The following SPATA9 variants were observed in gnomAD, a reference collection of about 807,000 sequenced individuals.
SPATA9 encodes the protein spermatogenesis associated 9.
In SPATA9, 27 loss-of-function variants were observed where a neutral mutation model predicts 25.5. That is an observed-to-expected ratio of 1.06 (90% CI 0.78 to 1.46). SPATA9 has a LOEUF of 1.46. Ranked by LOEUF, SPATA9 falls within the 40% of genes most tolerant of loss-of-function variation. The pLI, the probability that SPATA9 is intolerant of heterozygous loss-of-function variation, is 0.00. For missense variants in SPATA9, 282 were observed against 297.5 expected (o/e 0.95, Z 0.38); for synonymous variants, 102 against 105.7 (o/e 0.97, Z 0.21).
intron 2 of SPATA9, among the ~76,000 whole-genome samples, chr5:95,677,030 TCC>T (rs1440969761): frequency 6.6e-6 from 1 of 152,208 alleles, no homozygotes; most frequent in Non-Finnish European, 1.5e-5. Flanking sequence ...CAAAGTTCAC[TCC>T]CTCACTTCCT....
intron 3 of SPATA9, chr5:95,674,849 T>G (rs1561407155): frequency 2.9e-5 from 13 of 454,638 alleles, no homozygotes; most frequent in South Asian, 2.0e-4. Context: ...TGCAAAATTC[T>G]GAATCTTTTG....
At chr5:95,652,980 G>C, downstream of SPATA9, 2 of 1,204,638 alleles carry the variant, frequency 1.7e-6, no homozygotes, top group South Asian at 3.3e-5. Flanking sequence ...TTTGCTCTTA[G>C]AGTAAAATCC....
intron 1 of SPATA9, among the ~76,000 whole-genome samples, chr5:95,691,984 T>C (rs1336148892): frequency 2.0e-5 from 3 of 152,178 alleles, no homozygotes; most frequent in Non-Finnish European, 2.9e-5. Flanking sequence ...CATAGCAAAG[T>C]ATGTATTGGC....
chr5:95,708,640 G>A, the SPATA9 span: 3,084 of 696,738 alleles, frequency 4.4e-3, 53 homozygotes, highest in African/African-American at 0.045. Context: ...TGTACCTTTG[G>A]AGCTTCCACA....
chr5:95,711,756 A>T, the SPATA9 span, among the ~76,000 whole-genome samples: 1 of 152,360 alleles, frequency 6.6e-6, no homozygotes. Context: ...CTGGCTCAGG[A>T]GGACTTTGGA....
chr5:95,690,156 C>A (rs867516736), intron 1 of SPATA9, among the ~76,000 whole-genome samples: 55 of 151,716 alleles, frequency 3.6e-4, no homozygotes, highest in African/African-American at 1.2e-3. Context: ...ATATAGCAAA[C>A]CTACACATGA....
the SPATA9 span, among the ~76,000 whole-genome samples, chr5:95,709,797 G>GT: frequency 3.9e-5 from 6 of 152,294 alleles, no homozygotes; most frequent in Non-Finnish European, 8.8e-5. Context: ...CTTCTGGCAA[G>GT]TTTTTTCGGA....
chr5:95,664,108 T>C lies in SPATA9; in HGVS notation c.379-60A>G, dbSNP rs528747403. On this transcript the variant is annotated intron_variant, in intron 3 of 4. Transcript: ENST00000274432. Reference sequence around the variant, plus strand: ...ACATTTTCAGTGTTTCAATGTCATATTGTACAATGTTACTGTAAAATGAGA... The same window carrying C: ...ACATTTTCAGTGTTTCAATGTCATACTGTACAATGTTACTGTAAAATGAGA... 3.2e-6 allele frequency: 3 copies of C among 932,326 alleles called. No homozygotes were observed. In the South Asian group the frequency reaches 5.8e-5, roughly 18 times the overall value. The allele number at this position is 932,326 out of a possible 1,614,324, so 57.8% of individuals were successfully genotyped here. A position where few individuals can be genotyped will look rare whatever the true frequency, so the allele number is the denominator to read the frequency against.
intron 3 of SPATA9, among the ~76,000 whole-genome samples, chr5:95,667,332 TGG>T (rs1751917682): frequency 5.5e-5 from 1 of 18,274 alleles, no homozygotes; most frequent in Non-Finnish European, 1.1e-4. Flanking sequence ...GTGGGGGTGC[TGG>T]GGGTTGGGGA....
At chr5:95,669,460 CT>C (rs1350437571) in intron 3 of SPATA9, among the ~76,000 whole-genome samples, 1 of 152,082 alleles carries the variant, frequency 6.6e-6, no homozygotes, top group Non-Finnish European at 1.5e-5. Context: ...GATCCTTATC[CT>C]GAAAAAAGAA....
chr5:95,694,053 T>C (rs1580357312), intron 1 of SPATA9, among the ~76,000 whole-genome samples: 1 of 151,952 alleles, frequency 6.6e-6, no homozygotes, highest in Non-Finnish European at 1.5e-5. Flanking sequence ...CTAGCTACTC[T>C]GGAGGCTGAG....
At chr5:95,708,278 C>A in the SPATA9 span, among the ~76,000 whole-genome samples, 1 of 151,958 alleles carries the variant, frequency 6.6e-6, no homozygotes. Flanking sequence ...AGTCAAAGGC[C>A]GGATTGGCTT....
downstream of SPATA9, chr5:95,652,390 C>T (rs76775438): frequency 0.036 from 55,875 of 1,534,708 alleles, 1,224 homozygotes; most frequent in African/African-American, 0.078. Context: ...TAGAAATTCT[C>T]GACTTTAGTC....
chr5:95,704,148 GGA>G, the SPATA9 span, among the ~76,000 whole-genome samples: 2 of 152,082 alleles, frequency 1.3e-5, no homozygotes, highest in East Asian at 3.8e-4. Flanking sequence ...TTTTGACCTT[GGA>G]AATAGTTTTC....
chr5:95,703,901 C>A, the SPATA9 span, among the ~76,000 whole-genome samples: 1 of 152,132 alleles, frequency 6.6e-6, no homozygotes, highest in Non-Finnish European at 1.5e-5. Context: ...TTTTCTTACA[C>A]ATGGAAGATA....
chr5:95,674,379 T>C (rs1752713937), intron 3 of SPATA9, among the ~76,000 whole-genome samples: 1 of 152,176 alleles, frequency 6.6e-6, no homozygotes, highest in Non-Finnish European at 1.5e-5. Context: ...ACCCCAGCTC[T>C]AGGGATAAGC....
intron 1 of SPATA9, among the ~76,000 whole-genome samples, chr5:95,697,794 AC>A (rs1360267058): frequency 6.6e-6 from 1 of 152,194 alleles, no homozygotes; most frequent in African/African-American, 2.4e-5. Flanking sequence ...TCGAGAAAAT[AC>A]CTGCCAAATA....
chr5:95,652,257 C>T (rs1237845844), downstream of SPATA9: 2 of 1,548,326 alleles, frequency 1.3e-6, no homozygotes, highest in South Asian at 2.4e-5. Context: ...AACCTCTCTT[C>T]CACCTGACCT....
At chr5:95,685,358 A>G (rs1264888427), upstream of SPATA9, among the ~76,000 whole-genome samples, 1 of 152,170 alleles carries the variant, frequency 6.6e-6, no homozygotes, top group African/African-American at 2.4e-5. Flanking sequence ...ACCTACTTCA[A>G]ATTCAACAGA....
Sources: allele counts gnomAD v4.1 joint callset (sites outside exome capture counted in the v4.1 genomes callset), GRCh38; gene constraint gnomAD v4.1.1; transcripts MANE v1.5; gene names NCBI Gene and HGNC (gene_info 2026-07-23, HGNC 2026-07-21).